Variants in CDH12 observed in about 807,000 individuals in gnomAD.
CDH12 encodes cadherin 12.
A neutral mutation model predicts 74.1 loss-of-function variants in CDH12; 41 were observed. The ratio of observed to expected loss-of-function variants is 0.55; its 90% CI spans 0.43 to 0.72. CDH12 has a LOEUF of 0.72. CDH12 is among the 30% of genes least tolerant of loss of function. CDH12 has a pLI of 0.00. For synonymous variants in CDH12, 399 were observed against 355.0 expected (o/e 1.12, Z -1.39); for missense variants, 945 against 977.2 (o/e 0.97, Z 0.44).
At chr5:22,341,961 G>A (rs1179594096) in intron 3 of CDH12, among the ~76,000 whole-genome samples, 3 of 152,010 alleles carry the variant, frequency 2.0e-5, no homozygotes, top group African/African-American at 7.2e-5. Context: ...AGCGTAAACA[G>A]TGAACTTAAC....
chr5:21,914,151 T>A (rs756066430), intron 6 of CDH12, among the ~76,000 whole-genome samples: 1 of 152,192 alleles, frequency 6.6e-6, no homozygotes, highest in Non-Finnish European at 1.5e-5. Flanking sequence ...CAATACTTTA[T>A]AAGAAATCCA....
At chr5:22,598,835 C>G (rs1250474596) in intron 1 of CDH12, among the ~76,000 whole-genome samples, 1 of 152,146 alleles carries the variant, frequency 6.6e-6, no homozygotes, top group Non-Finnish European at 1.5e-5. Context: ...TGGTATCATT[C>G]CTACCATCCC....
At chr5:22,142,208 A>C (rs1384529403) in intron 4 of CDH12, 1 of 166,158 alleles carries the variant, frequency 6.0e-6, no homozygotes, top group Non-Finnish European at 1.3e-5. Context: ...AGAAGATATC[A>C]TTTTGGGACT....
chr5:22,620,565 A>G (rs1302136727), intron 1 of CDH12, among the ~76,000 whole-genome samples: 2 of 152,108 alleles, frequency 1.3e-5, no homozygotes, highest in Non-Finnish European at 1.5e-5. Flanking sequence ...TAGAAAAAGC[A>G]AAAATTAAGA....
At chr5:22,184,618 G>C (rs1023816579) in intron 4 of CDH12, among the ~76,000 whole-genome samples, 4 of 152,186 alleles carry the variant, frequency 2.6e-5, no homozygotes, top group African/African-American at 9.6e-5. Context: ...GAGAAAGAAA[G>C]AATGGATTGG....
chr5:22,373,358 C>T (rs1378679904), intron 3 of CDH12, among the ~76,000 whole-genome samples: 2 of 152,114 alleles, frequency 1.3e-5, no homozygotes, highest in African/African-American at 4.8e-5. Flanking sequence ...AGTGGGTTGC[C>T]CCCACAACTG....
chr5:22,615,741 C>T (rs1249635278), intron 1 of CDH12, among the ~76,000 whole-genome samples: 1 of 152,030 alleles, frequency 6.6e-6, no homozygotes, highest in Non-Finnish European at 1.5e-5. Context: ...CTTTTCAGTA[C>T]AAGCTACACT....
intron 1 of CDH12, among the ~76,000 whole-genome samples, chr5:22,665,403 T>C (rs1169654786): frequency 6.6e-6 from 1 of 152,174 alleles, no homozygotes. Context: ...AAGTGAATTA[T>C]ATCAAATAGG....
intron 3 of CDH12, among the ~76,000 whole-genome samples, chr5:22,326,364 T>C (rs1211271741): frequency 2.6e-5 from 4 of 151,928 alleles, no homozygotes; most frequent in Admixed American, 1.3e-4. Flanking sequence ...GCCTCCCGAG[T>C]AGCTGGGACT....
intron 5 of CDH12, among the ~76,000 whole-genome samples, chr5:22,026,486 G>C (rs1196760238): frequency 6.6e-6 from 1 of 152,094 alleles, no homozygotes; most frequent in Non-Finnish European, 1.5e-5. Context: ...CTGATGCTAT[G>C]ACAGTTCCAG....
chr5:21,849,589 G>T (rs1485831908), intron 7 of CDH12, among the ~76,000 whole-genome samples: 1 of 151,556 alleles, frequency 6.6e-6, no homozygotes, highest in Non-Finnish European at 1.5e-5. Flanking sequence ...TTGCCTTAAT[G>T]CTTCCTGGCA....
chr5:22,664,806 C>G (rs1391526830), intron 1 of CDH12, among the ~76,000 whole-genome samples: 2 of 152,060 alleles, frequency 1.3e-5, no homozygotes, highest in Non-Finnish European at 2.9e-5. Context: ...CCAGGCAGCT[C>G]AAATCAGTAT....
At position 22,268,608 on chromosome 5, in the gene CDH12, A is replaced by G. The variant is rs554280409; in HGVS notation, c.-332-55965T>C. On this transcript the variant is annotated intron_variant, in intron 3 of 14. Transcript: ENST00000382254. ...CTCTACAATTTATTATAAGATGTTA[A>G]GGTTTAGGCAATGTCCATAGCTAAC... 5.9e-5 allele frequency among the ~76,000 whole-genome samples: 9 copies of G among 152,244 alleles called. No individual in the cohort carries two copies. In the South Asian group the frequency reaches 1.9e-3, roughly 32 times the overall value.
At chr5:22,320,678 T>G (rs1191539291) in intron 3 of CDH12, among the ~76,000 whole-genome samples, 1 of 152,218 alleles carries the variant, frequency 6.6e-6, no homozygotes, top group Admixed American at 6.5e-5. Flanking sequence ...ATTAAACATT[T>G]CACATGAGAT....
chr5:21,824,317 G>C (rs1211624938), intron 8 of CDH12, among the ~76,000 whole-genome samples: 1 of 152,030 alleles, frequency 6.6e-6, no homozygotes. Context: ...TGCTTCTCTG[G>C]AGCTGCACAG....
chr5:22,785,644 A>G (rs1255419685), intron 1 of CDH12, among the ~76,000 whole-genome samples: 1 of 151,942 alleles, frequency 6.6e-6, no homozygotes, highest in African/African-American at 2.4e-5. Context: ...TCAGCCTCCA[A>G]GTAGCTGAGA....
chr5:22,048,507 C>A (rs1409746862), intron 5 of CDH12, among the ~76,000 whole-genome samples: 1 of 152,016 alleles, frequency 6.6e-6, no homozygotes, highest in Non-Finnish European at 1.5e-5. Flanking sequence ...TGCTAAATAT[C>A]TTTTTAGTTT....
intron 3 of CDH12, among the ~76,000 whole-genome samples, chr5:22,353,972 T>C (rs1396311342): frequency 6.6e-6 from 1 of 152,140 alleles, no homozygotes; most frequent in Non-Finnish European, 1.5e-5. Flanking sequence ...GCTGAAACAT[T>C]TATCTCATGA....
intron 1 of CDH12, among the ~76,000 whole-genome samples, chr5:22,791,364 T>C (rs150998686): frequency 5.3e-4 from 80 of 152,256 alleles, no homozygotes; most frequent in African/African-American, 1.8e-3. Flanking sequence ...AGTAATGATA[T>C]AAGGCACAAT....
Sources: allele counts gnomAD v4.1 joint callset (sites outside exome capture counted in the v4.1 genomes callset), GRCh38; gene constraint gnomAD v4.1.1; transcripts MANE v1.5; gene names NCBI Gene and HGNC (gene_info 2026-07-23, HGNC 2026-07-21).